Variants in KLF12 observed in about 807,000 individuals in gnomAD.
KLF12 encodes the protein KLF transcription factor 12.
In KLF12, 9 loss-of-function variants were observed where a neutral mutation model predicts 37.8. The ratio of observed to expected loss-of-function variants is 0.24; its 90% CI spans 0.14 to 0.42. KLF12 has a LOEUF of 0.42. Ranked by LOEUF, KLF12 falls within the 10% of genes least tolerant of loss-of-function variation. KLF12 has a pLI of 1.00. For synonymous variants in KLF12, 208 were observed against 202.1 expected (o/e 1.03, Z -0.25); for missense variants, 411 against 516.0 (o/e 0.80, Z 1.97).
At chr13:74,119,090 T>C (rs1479688914) in intron 1 of KLF12, among the ~76,000 whole-genome samples, 1 of 152,122 alleles carries the variant, frequency 6.6e-6, no homozygotes. Flanking sequence ...CCCAGTAACT[T>C]GGGAGGCCAA....
chr13:73,943,737 A>G (rs1171347370), intron 3 of KLF12, among the ~76,000 whole-genome samples: 1 of 152,214 alleles, frequency 6.6e-6, no homozygotes, highest in African/African-American at 2.4e-5. Context: ...ATATAGCCAT[A>G]TGGTTCTAAT....
At chr13:74,262,024 C>T in the KLF12 span, among the ~76,000 whole-genome samples, 1 of 152,160 alleles carries the variant, frequency 6.6e-6, no homozygotes, top group African/African-American at 2.4e-5. Context: ...GCTCACTGCA[C>T]TGGGGCCTCT....
the KLF12 span, among the ~76,000 whole-genome samples, chr13:74,170,991 CT>C: frequency 6.6e-6 from 1 of 152,178 alleles, no homozygotes; most frequent in African/African-American, 2.4e-5. Flanking sequence ...TCTCGAACTC[CT>C]GACCTCAGGT....
At chr13:73,733,448 A>C (rs1008133382) in intron 6 of KLF12, among the ~76,000 whole-genome samples, 3 of 152,158 alleles carry the variant, frequency 2.0e-5, no homozygotes, top group Non-Finnish European at 4.4e-5. Context: ...CTTAGCATAA[A>C]GTTTTCAAGA....
chr13:74,054,869 C>T (rs1873151480), intron 1 of KLF12, among the ~76,000 whole-genome samples: 1 of 152,144 alleles, frequency 6.6e-6, no homozygotes, highest in Non-Finnish European at 1.5e-5. Flanking sequence ...TGCACATATA[C>T]ACTAATTTGA....
chr13:74,065,230 A>G (rs200170754), intron 1 of KLF12, among the ~76,000 whole-genome samples: 6 of 145,152 alleles, frequency 4.1e-5, no homozygotes, highest in Admixed American at 7.0e-5. Context: ...ACACATGTAT[A>G]TATATATATA....
At chr13:73,999,609 G>A (rs1018452006) in intron 1 of KLF12, among the ~76,000 whole-genome samples, 11 of 151,864 alleles carry the variant, frequency 7.2e-5, no homozygotes, top group African/African-American at 1.7e-4. Flanking sequence ...GCGTGGTGGC[G>A]GGCGCCTGTA....
the KLF12 span, among the ~76,000 whole-genome samples, chr13:74,142,791 G>A: frequency 4.6e-5 from 7 of 152,044 alleles, no homozygotes; most frequent in African/African-American, 1.7e-4. Context: ...AATATATACA[G>A]TTTCTGTACT....
chr13:73,881,743 CAAACTT>C (rs1886992648), intron 3 of KLF12, among the ~76,000 whole-genome samples: 1 of 152,090 alleles, frequency 6.6e-6, no homozygotes, highest in South Asian at 2.1e-4. Context: ...TTTACACTGA[CAAACTT>C]AAAACAATTC....
At chr13:73,825,343 T>A (rs1342779267) in intron 4 of KLF12, among the ~76,000 whole-genome samples, 4 of 152,074 alleles carry the variant, frequency 2.6e-5, no homozygotes, top group Admixed American at 6.6e-5. Flanking sequence ...TGGCAGTATC[T>A]CCGGAAATGA....
At chr13:73,995,910 T>C (rs2138276300) in intron 1 of KLF12, among the ~76,000 whole-genome samples, 1 of 152,324 alleles carries the variant, frequency 6.6e-6, no homozygotes, top group Non-Finnish European at 1.5e-5. Flanking sequence ...ACAGTTGACT[T>C]TATTTTTCAT....
chr13:73,984,704 C>A (rs1891777933), intron 2 of KLF12, among the ~76,000 whole-genome samples: 1 of 152,192 alleles, frequency 6.6e-6, no homozygotes, highest in African/African-American at 2.4e-5. Context: ...ATATTCGGCA[C>A]CTTTCCCCTC....
the KLF12 span, among the ~76,000 whole-genome samples, chr13:74,166,425 A>T: frequency 6.6e-6 from 1 of 152,126 alleles, no homozygotes; most frequent in South Asian, 2.1e-4. Flanking sequence ...AAGACACCCT[A>T]AAAGATAACA....
intron 1 of KLF12, among the ~76,000 whole-genome samples, chr13:74,092,967 A>G (rs985519036): frequency 6.6e-6 from 1 of 152,232 alleles, no homozygotes; most frequent in Non-Finnish European, 1.5e-5. Flanking sequence ...CAAACAAAAA[A>G]TCCAGACAAC....
the KLF12 span, among the ~76,000 whole-genome samples, chr13:74,265,309 G>A: frequency 2.6e-5 from 4 of 152,070 alleles, no homozygotes; most frequent in African/African-American, 7.2e-5. Flanking sequence ...CCATTTATTC[G>A]TGCTTTCCCT....
chr13:74,215,859 C>T, the KLF12 span, among the ~76,000 whole-genome samples: 31 of 152,318 alleles, frequency 2.0e-4, no homozygotes, highest in Non-Finnish European at 4.4e-4. Context: ...TTAATTATCC[C>T]TCTATTTTCA....
At chr13:74,051,731 T>C (rs994145705) in intron 1 of KLF12, among the ~76,000 whole-genome samples, 4 of 152,128 alleles carry the variant, frequency 2.6e-5, no homozygotes, top group African/African-American at 9.6e-5. Flanking sequence ...TAGGATCAAG[T>C]AAAAAGGAAA....
At chr13:73,879,194 T>A (rs1211675046) in intron 3 of KLF12, among the ~76,000 whole-genome samples, 1 of 152,204 alleles carries the variant, frequency 6.6e-6, no homozygotes, top group Non-Finnish European at 1.5e-5. Context: ...CAGTGAGTAT[T>A]ACACTGTCTT....
rs910790537 is a variant in KLF12 at position 74,111,414 on chromosome 13, G to C, written c.-32+22325C>G. ...TGTATGTTTTGTTGACATCAAAAAT[G>C]AATCACCTTATAAGAGGCTTCTTTT... On this transcript the variant is annotated intron_variant, in intron 1 of 7. Transcript: ENST00000377669. 2.0e-5 allele frequency among the ~76,000 whole-genome samples: 3 copies of C among 151,952 alleles called. No individual in the cohort carries two copies. The South Asian group carries it at 6.2e-4, about 32-fold the overall frequency.
Sources: allele counts gnomAD v4.1 joint callset (sites outside exome capture counted in the v4.1 genomes callset), GRCh38; gene constraint gnomAD v4.1.1; transcripts MANE v1.5; gene names NCBI Gene and HGNC (gene_info 2026-07-23, HGNC 2026-07-21).